Variants in AGO3 observed in about 807,000 individuals in gnomAD.
AGO3 encodes the protein argonaute RISC catalytic component 3.
In AGO3, 16 loss-of-function variants were observed where a neutral mutation model predicts 105.5. That is an observed-to-expected ratio of 0.15 (90% CI 0.10 to 0.23). The LOEUF (loss-of-function observed/expected upper bound fraction) is 0.23. AGO3 is among the 10% of genes least tolerant of loss of function. AGO3 has a pLI of 1.00. For synonymous variants in AGO3, 340 were observed against 367.3 expected, an observed-to-expected ratio of 0.93 and a Z score of 0.85; for missense variants, 534 against 1,088.0, an observed-to-expected ratio of 0.49 and a Z score of 7.16.
Position 36,072,009 on chromosome 1 carries a change from C to T in AGO3, c.*16264C>T, listed in dbSNP as rs1643172089. 1 of 152,100 alleles carries T rather than the reference C, an allele frequency of 6.6e-6. No individual in the cohort carries two copies. The highest frequency in any genetic ancestry group is 1.5e-5 in the Non-Finnish European group (1 of 68,026). The allele number at this position is 152,100 out of a possible 1,614,324, so 9.4% of individuals were successfully genotyped here. On this transcript the variant is annotated 3_prime_UTR_variant, in exon 19 of 19. Transcript: ENST00000373191. ...GAAGATTATATGTAATTATAATGAG[C>T]AGAAGGCAAATAAAGTTTTTGAACA...
At chr1:35,969,821 G>A (rs371130639) in intron 3 of AGO3, among the ~76,000 whole-genome samples, 9 of 152,252 alleles carry the variant, frequency 5.9e-5, no homozygotes, top group African/African-American at 1.9e-4. Flanking sequence ...TTACTATACC[G>A]AATACTGTAG....
intron 2 of AGO3, among the ~76,000 whole-genome samples, chr1:35,948,327 C>T (rs1408574035): frequency 6.6e-6 from 1 of 151,528 alleles, no homozygotes; most frequent in Admixed American, 6.6e-5. Context: ...AAGCAATTCT[C>T]CTGCCTCAGC....
intron 6 of AGO3, chr1:36,005,985 G>A (rs1322344594): frequency 2.5e-6 from 2 of 798,786 alleles, no homozygotes; most frequent in Non-Finnish European, 3.0e-6. Context: ...TCAACTTTTT[G>A]CTAGCACCTA....
intron 2 of AGO3, among the ~76,000 whole-genome samples, chr1:35,946,676 A>G (rs1037776973): frequency 4.6e-5 from 7 of 152,340 alleles, no homozygotes; most frequent in African/African-American, 1.4e-4. Context: ...TAAGACATGT[A>G]AGAAGTATGA....
chr1:36,054,812 G>C, intron 17 of AGO3, 134 bp from the exon 18 acceptor site: 1 of 761,410 alleles, frequency 1.3e-6, no homozygotes, highest in Non-Finnish European at 2.2e-6. Context: ...AGCCCCAGAG[G>C]TGGAGGTTGC....
Position 36,032,970 on chromosome 1 carries a change from C to CAA in AGO3, c.1592-1193_1592-1192dup, listed in dbSNP as rs1247853406. ...TGAAACTCCATCTCTACTAAAAATA[C>CAA]AAAAAAAAAAAATTATCAGGGCATG... On this transcript the variant is annotated intron_variant, in intron 12 of 18. Transcript: ENST00000373191. Among the ~76,000 whole-genome samples, 6 of 142,090 alleles carry CAA rather than the reference C, an allele frequency of 4.2e-5. No individual in the cohort carries two copies. The South Asian group carries it at 6.6e-4, about 16-fold the overall frequency. The allele number at this position is 142,090 out of a possible 152,430, so 93.2% of individuals were successfully genotyped here.
At chr1:35,948,067 T>TA (rs1242214148) in intron 2 of AGO3, among the ~76,000 whole-genome samples, 2 of 151,950 alleles carry the variant, frequency 1.3e-5, no homozygotes, top group African/African-American at 4.8e-5. Context: ...ACCACATATC[T>TA]AAAAAATAAA....
At chr1:35,959,499 G>T (rs1298007332) in intron 2 of AGO3, among the ~76,000 whole-genome samples, 1 of 152,094 alleles carries the variant, frequency 6.6e-6, no homozygotes, top group African/African-American at 2.4e-5. Context: ...TCTTATCTGT[G>T]TTTACTCAGA....
In AGO3 at chr1:36,009,561, T is replaced by G; in HGVS notation, c.1116T>G (p.Ser372=). The G allele has an allele frequency of 6.2e-7, 1 of 1,613,112 alleles. No individual in the cohort carries two copies. The highest frequency in any genetic ancestry group is 1.3e-5 in the African/African-American group (1 of 74,962). ...TSTMIKATAR[S]APDRQEEISR... The stretch of plus-strand genomic sequence containing the variant: ...CTATGATCAAGGCAACAGCAAGATC[T>G]GCACCAGATAGACAAGAGGAAATTA... The change falls in exon 9 of 19, where the codon TCT becomes TCG. Residue 372 remains serine (S), a synonymous_variant. Coordinates refer to ENST00000373191, the MANE Select transcript of AGO3 (RefSeq NM_024852.4).
chr1:36,013,870 A>C, intron 10 of AGO3, 45 bp from the exon 11 acceptor site: 1 of 1,601,126 alleles, frequency 6.2e-7, no homozygotes. Context: ...GTTTATTGAA[A>C]ATTTTTGTTC....
chr1:35,944,705 T>C (rs908141160), intron 1 of AGO3, among the ~76,000 whole-genome samples: 1 of 152,176 alleles, frequency 6.6e-6, no homozygotes, highest in Admixed American at 6.5e-5. Context: ...GGTTTCACCA[T>C]GTTGGCCAGG....
At chr1:35,986,714 G>A (rs984605726) in intron 5 of AGO3, among the ~76,000 whole-genome samples, 1 of 151,518 alleles carries the variant, frequency 6.6e-6, no homozygotes, top group African/African-American at 2.4e-5. Context: ...AAAAAAAATG[G>A]GCTGGGCCTA....
rs375411955 is a variant in AGO3 at position 36,002,324 on chromosome 1, A to ATT, written c.659-1995_659-1994dup. On this transcript the variant is annotated intron_variant, in intron 5 of 18. Transcript: ENST00000373191. Reference sequence around the variant, plus strand: ...TGAGCCACTGTACCCAGCCAAGATAATTTTTTTTTTTTTTTTTTTTTTTGA... The same window carrying ATT: ...TGAGCCACTGTACCCAGCCAAGATAATTTTTTTTTTTTTTTTTTTTTTTTTGA... Among the ~76,000 whole-genome samples, 956 of 119,132 alleles carry ATT rather than the reference A, an allele frequency of 8.0e-3. 33 individuals carry two copies. Among genetic ancestry groups the ATT allele is most frequent in the African/African-American group, 0.028 (765 of 27,800 alleles). 78.2% of individuals were successfully genotyped at this position (119,132 alleles called of 152,430 possible).
chr1:35,997,310 T>C (rs1442463693), intron 5 of AGO3, among the ~76,000 whole-genome samples: 12 of 151,984 alleles, frequency 7.9e-5, no homozygotes, highest in Non-Finnish European at 1.8e-4. Flanking sequence ...AGAAAAATAG[T>C]TTGGCAGTTT....
chr1:35,953,551 A>T (rs1333332436), intron 2 of AGO3, among the ~76,000 whole-genome samples: 1 of 147,822 alleles, frequency 6.8e-6, no homozygotes, highest in Non-Finnish European at 1.5e-5. Flanking sequence ...TTTGAGACAG[A>T]GTCTTACTCT....
chr1:35,989,436 C>T (rs534511574), intron 5 of AGO3, among the ~76,000 whole-genome samples: 21 of 152,264 alleles, frequency 1.4e-4, no homozygotes, highest in African/African-American at 4.6e-4. Context: ...TGGCAGGTTT[C>T]TTTTTAAAGA....
intron 6 of AGO3, among the ~76,000 whole-genome samples, chr1:36,005,068 G>A (rs950673709): frequency 6.6e-6 from 1 of 151,964 alleles, no homozygotes; most frequent in Non-Finnish European, 1.5e-5. Context: ...TCATCTCTAT[G>A]TGGCTGCCCA....
At chr1:35,937,705 T>G (rs1361170361) in intron 1 of AGO3, among the ~76,000 whole-genome samples, 9 of 151,966 alleles carry the variant, frequency 5.9e-5, no homozygotes, top group African/African-American at 2.2e-4. Context: ...AGAAATAAAT[T>G]GTTTCCCATA....
chr1:35,961,731 T>C (rs1646680717), intron 2 of AGO3, among the ~76,000 whole-genome samples: 1 of 152,194 alleles, frequency 6.6e-6, no homozygotes, highest in Non-Finnish European at 1.5e-5. Context: ...AGATGTAAAA[T>C]GATCTGTTTT....
Sources: allele counts gnomAD v4.1 joint callset (sites outside exome capture counted in the v4.1 genomes callset), GRCh38; gene constraint gnomAD v4.1.1; transcripts MANE v1.5; gene names NCBI Gene and HGNC (gene_info 2026-07-23, HGNC 2026-07-21).